The following PCGF5 variants were observed in gnomAD, a reference collection of about 807,000 sequenced individuals.
PCGF5 encodes polycomb group RING finger protein 5.
Under a neutral mutation model 44.3 loss-of-function variants are expected in PCGF5, and 9 were observed. The observed-to-expected ratio is 0.20, with a 90% CI of 0.12 to 0.35. PCGF5 has a LOEUF of 0.35. PCGF5 is among the 10% of genes least tolerant of loss of function. The pLI is 1.00. For missense variants in PCGF5, 146 were observed against 305.3 expected (o/e 0.48, Z 3.89); for synonymous variants, 95 against 102.5 (o/e 0.93, Z 0.44).
intron 6 of PCGF5, among the ~76,000 whole-genome samples, chr10:91,254,020 C>T (rs1213862679): frequency 6.6e-6 from 1 of 151,986 alleles, no homozygotes; most frequent in African/African-American, 2.4e-5. Flanking sequence ...AAGTTTGCCA[C>T]CTTTTGGCCT....
intron 2 of PCGF5, among the ~76,000 whole-genome samples, chr10:91,230,851 G>C (rs982387605): frequency 6.6e-6 from 1 of 152,038 alleles, no homozygotes; most frequent in Non-Finnish European, 1.5e-5. Context: ...TTGAACTCCT[G>C]GGCTCAAGTG....
chr10:91,159,844 G>A (rs1377024170), upstream of PCGF5, among the ~76,000 whole-genome samples: 1 of 152,140 alleles, frequency 6.6e-6, no homozygotes, highest in Non-Finnish European at 1.5e-5. Context: ...AAACTCTAAT[G>A]CCCATGTTTA....
chr10:91,234,051 C>T (rs1455679463), intron 2 of PCGF5, among the ~76,000 whole-genome samples: 1 of 152,188 alleles, frequency 6.6e-6, no homozygotes, highest in Non-Finnish European at 1.5e-5. Context: ...CTGGGAAGCT[C>T]ACTCTCTGTG....
chr10:91,255,871 A>G lies in PCGF5; in HGVS notation c.474+4431A>G, dbSNP rs554270151. Among the ~76,000 whole-genome samples, 9 of 152,192 alleles carry G rather than the reference A, an allele frequency of 5.9e-5. No homozygotes were observed. The South Asian group carries it at 6.2e-4, about 11-fold the overall frequency. ...TGTCCCTTATATAAAATGGTGTAGTATTTGCACGTAACGTATGCACAACCT... is the reference window on the plus strand; with the variant it reads ...TGTCCCTTATATAAAATGGTGTAGTGTTTGCACGTAACGTATGCACAACCT... On this transcript the variant is annotated intron_variant, in intron 6 of 9. Transcript: ENST00000336126.
At chr10:91,275,607 AT>A (rs72439811) in intron 9 of PCGF5, among the ~76,000 whole-genome samples, 1,977 of 128,852 alleles carry the variant, frequency 0.015, 7 homozygotes, top group African/African-American at 0.028. Context: ...TGCCCGGCTA[AT>A]TTTTTTTTTT....
chr10:91,159,683 T>A (rs1452234625), upstream of PCGF5, among the ~76,000 whole-genome samples: 1 of 152,208 alleles, frequency 6.6e-6, no homozygotes, highest in African/African-American at 2.4e-5. Flanking sequence ...CAAGAGTGTT[T>A]TACATATGAC....
At chr10:91,203,871 T>C (rs1364568536) in intron 1 of PCGF5, among the ~76,000 whole-genome samples, 1 of 152,210 alleles carries the variant, frequency 6.6e-6, no homozygotes, top group East Asian at 1.9e-4. Flanking sequence ...TGTTTTAGGC[T>C]GTTTAATTTT....
chr10:91,270,372 G>C (rs1233903902), intron 8 of PCGF5, among the ~76,000 whole-genome samples: 1 of 91,718 alleles, frequency 1.1e-5, no homozygotes, highest in East Asian at 2.3e-4. Context: ...ATACCAAAGA[G>C]ATCAATAGAA....
In PCGF5 at chr10:91,280,066, T is replaced by C. The variant is rs1481801511; in HGVS notation, c.*1750T>C. On this transcript the variant is annotated 3_prime_UTR_variant, in exon 10 of 10. Coordinates refer to ENST00000336126, the MANE Select transcript of PCGF5 (RefSeq NM_032373.5). Reference sequence around the variant, plus strand: ...CTTTAACTTTGTTTTGTTACATTGTTTTTGTTCTTGGAATGGCTCACAAGC... The same window carrying C: ...CTTTAACTTTGTTTTGTTACATTGTCTTTGTTCTTGGAATGGCTCACAAGC... The C allele has an allele frequency of 6.6e-6, 1 of 152,026 alleles. No homozygotes were observed. Among genetic ancestry groups the C allele is most frequent in the African/African-American group, 2.4e-5 (1 of 41,444 alleles). The allele number at this position is 152,026 out of a possible 1,614,324, so 9.4% of individuals were successfully genotyped here.
intron 3 of PCGF5, among the ~76,000 whole-genome samples, chr10:91,241,164 T>C (rs1209316217): frequency 6.6e-6 from 1 of 151,874 alleles, no homozygotes; most frequent in Non-Finnish European, 1.5e-5. Flanking sequence ...AACCTCCACC[T>C]CCCAGGTTCA....
chr10:91,271,489 A>C, intron 8 of PCGF5, 149 bp from the exon 9 acceptor site: 1 of 584,358 alleles, frequency 1.7e-6, no homozygotes, highest in Non-Finnish European at 2.8e-6. Context: ...TCTTTTTTTC[A>C]AAAACAACCA....
chr10:91,225,039 G>A (rs185630665), intron 2 of PCGF5, among the ~76,000 whole-genome samples: 293 of 151,850 alleles, frequency 1.9e-3, no homozygotes, highest in African/African-American at 6.7e-3. Flanking sequence ...ACAAACTCTC[G>A]CATTTCTATC....
intron 1 of PCGF5, among the ~76,000 whole-genome samples, chr10:91,188,232 C>T (rs1305168781): frequency 4.6e-5 from 7 of 152,156 alleles, no homozygotes; most frequent in Non-Finnish European, 7.3e-5. Context: ...GCGCACCATG[C>T]GCGAGCTGAA....
At position 91,227,918 on chromosome 10, in the gene PCGF5, C is replaced by G. The variant is rs187717828; in HGVS notation, c.112+4935C>G. 15 of 981,414 alleles carry G rather than the reference C, an allele frequency of 1.5e-5. No homozygotes were observed. The East Asian group carries it at 1.3e-3, about 82-fold the overall frequency. 60.8% of individuals were successfully genotyped at this position (981,414 alleles called of 1,614,324 possible). ...CCACCTGCAGATTTGGGTTAAGTGT[C>G]TCAATAAAATCTTAAATGAATAAAT... On this transcript the variant is annotated intron_variant, in intron 2 of 9. Transcript: ENST00000336126.
chr10:91,251,070 A>C (rs2133379498), intron 5 of PCGF5, among the ~76,000 whole-genome samples: 1 of 150,836 alleles, frequency 6.6e-6, no homozygotes, highest in East Asian at 1.9e-4. Flanking sequence ...GAGCCTAGAA[A>C]TCTTAAGCTA....
intron 2 of PCGF5, among the ~76,000 whole-genome samples, chr10:91,228,407 A>G (rs1238010152): frequency 6.6e-6 from 1 of 152,172 alleles, no homozygotes; most frequent in Non-Finnish European, 1.5e-5. Flanking sequence ...GTTTATAGAC[A>G]TAGAATTCTG....
chr10:91,222,631 C>G, intron 1 of PCGF5, 58 bp from the exon 2 acceptor site: 1 of 515,158 alleles, frequency 1.9e-6, no homozygotes, highest in Non-Finnish European at 3.4e-6. Flanking sequence ...GACATTAATA[C>G]ATTATGAGGA....
chr10:91,182,751 T>G (rs915812006), intron 1 of PCGF5, among the ~76,000 whole-genome samples: 2 of 152,196 alleles, frequency 1.3e-5, no homozygotes, highest in African/African-American at 2.4e-5. Context: ...TATCTTTGCT[T>G]TCATTAGTTT....
chr10:91,172,471 C>T (rs1843627232), intron 1 of PCGF5, among the ~76,000 whole-genome samples: 1 of 152,068 alleles, frequency 6.6e-6, no homozygotes, highest in Non-Finnish European at 1.5e-5. Context: ...AGTATCCACT[C>T]AAAAAAATCT....
Sources: gnomAD v4.1 joint callset for allele counts (sites outside exome capture counted in the v4.1 genomes callset) on GRCh38, gnomAD v4.1.1 for gene constraint, MANE v1.5 for transcripts, NCBI Gene and HGNC (gene_info 2026-07-23, HGNC 2026-07-21) for gene names.